The following ASS1 variants were observed in gnomAD, a reference collection of about 807,000 sequenced individuals.
The protein encoded by ASS1 is argininosuccinate synthase.
ASS1 carries 58 observed loss-of-function variants against 60.5 expected under a neutral mutation model. The ratio of observed to expected loss-of-function variants is 0.96; its 90% CI spans 0.78 to 1.19. ASS1 has a LOEUF of 1.19. Ranked by LOEUF, ASS1 falls within the 50% of genes most tolerant of loss-of-function variation. The probability of loss-of-function intolerance (pLI) is 0.00; values close to 1 mark genes in which losing one functional copy is unlikely to be tolerated. For missense variants in ASS1, 454 were observed against 547.3 expected, an observed-to-expected ratio of 0.83 and a Z score of 1.70; for synonymous variants, 200 against 206.9, an observed-to-expected ratio of 0.97 and a Z score of 0.29.
Position 130,463,965 on chromosome 9 carries a change from A to G in ASS1, c.364-146A>G. ...TCCCTCCTGCCACATGCCCACACAT[A>G]CACGACCTACACTGCATGACCTCAC... On this transcript the variant is annotated intron_variant, in intron 4 of 14. Transcript: ENST00000352480. 3 of 823,398 alleles carry G rather than the reference A, an allele frequency of 3.6e-6. No homozygotes were observed. The South Asian group carries it at 4.3e-5, about 12-fold the overall frequency. 51.0% of individuals were successfully genotyped at this position (823,398 alleles called of 1,614,324 possible).
chr9:130,454,832 TCATC>T (rs924889257), intron 3 of ASS1, among the ~76,000 whole-genome samples: 6 of 141,714 alleles, frequency 4.2e-5, no homozygotes, highest in South Asian at 5.0e-4. Context: ...CATTCACCCA[TCATC>T]CATCCATCCA....
At chr9:130,454,506 G>C (rs575141367) in intron 3 of ASS1, 133 bp downstream of exon 3, 1 of 989,920 alleles carries the variant, frequency 1.0e-6, no homozygotes. Flanking sequence ...AGATCATCCT[G>C]CTCTCAGGTG....
At chr9:130,451,859 C>A in intron 1 of ASS1, 1 of 480,854 alleles carries the variant, frequency 2.1e-6, no homozygotes, top group Non-Finnish European at 4.1e-6. Context: ...AAGGCCCCTC[C>A]CACATCTCCT....
chr9:130,455,135 TCATCCATC>T (rs552414875), intron 3 of ASS1, among the ~76,000 whole-genome samples: 2 of 147,980 alleles, frequency 1.4e-5, no homozygotes, highest in African/African-American at 2.5e-5. Context: ...TATTCATCCA[TCATCCATC>T]CATCCATCCA....
chr9:130,499,741 C>A (rs888786673), intron 14 of ASS1, among the ~76,000 whole-genome samples, 171 bp downstream of exon 14: 1 of 152,190 alleles, frequency 6.6e-6, no homozygotes, highest in Non-Finnish European at 1.5e-5. Context: ...CCCATAGCAT[C>A]CTCAGAAGCA....
chr9:130,474,383 C>G (rs545322698), intron 8 of ASS1, among the ~76,000 whole-genome samples: 2 of 152,166 alleles, frequency 1.3e-5, no homozygotes, highest in African/African-American at 4.8e-5. Context: ...GCCTCCACTT[C>G]GGTCTGGGGC....
chr9:130,471,447 C>T (rs776847891), intron 7 of ASS1, 38 bp from the exon 8 acceptor site: 31 of 1,612,680 alleles, frequency 1.9e-5, no homozygotes, highest in South Asian at 5.5e-5. Flanking sequence ...TGCCATGTCC[C>T]TCCCCAGCTG....
chr9:130,448,994 C>G (rs1193825108), intron 1 of ASS1, among the ~76,000 whole-genome samples: 2 of 152,196 alleles, frequency 1.3e-5, no homozygotes, highest in East Asian at 3.9e-4. Flanking sequence ...GGGAGATGGT[C>G]CCTGTTTCCA....
At chr9:130,481,139 T>C (rs1455267313) in intron 11 of ASS1, among the ~76,000 whole-genome samples, 1 of 152,356 alleles carries the variant, frequency 6.6e-6, no homozygotes, top group Middle Eastern at 3.4e-3. Flanking sequence ...CCAAAGCCCA[T>C]GATTCCCTTT....
intron 13 of ASS1, among the ~76,000 whole-genome samples, chr9:130,496,590 C>CT (rs1202871085): frequency 1.7e-5 from 2 of 118,660 alleles, no homozygotes; most frequent in African/African-American, 6.8e-5. Flanking sequence ...GGCACTGTCT[C>CT]TTTAAAAAAA....
chr9:130,476,499 G>A lies in ASS1; in HGVS notation c.598-372G>A, dbSNP rs1429852371. The A allele has an allele frequency of 1.3e-5, 5 of 397,106 alleles. No homozygotes were observed. The highest frequency in any genetic ancestry group is 9.3e-5 in the South Asian group (4 of 43,106). 24.6% of individuals were successfully genotyped at this position (397,106 alleles called of 1,614,324 possible). ...TCAGTGCAGAATAAACCCCAATCCC[G>A]AGCCGGCGAGAGCGTGCGTGCCGCT... On this transcript the variant is annotated intron_variant, in intron 8 of 14. Coordinates refer to ENST00000352480, the MANE Select transcript of ASS1 (RefSeq NM_054012.4). This position sits in a 1 kb window ranked among gnomAD's most constrained non-coding sequence, Gnocchi z 4.9.
intron 6 of ASS1, among the ~76,000 whole-genome samples, chr9:130,467,574 C>G (rs553876050): frequency 7.2e-5 from 11 of 152,288 alleles, no homozygotes; most frequent in African/African-American, 2.4e-4. Flanking sequence ...GCCCTGCCCC[C>G]GCCGCCAGCA....
chr9:130,445,240 GGGGGCGCGA>G, intron 1 of ASS1: 1 of 961,292 alleles, frequency 1.0e-6, no homozygotes, highest in Non-Finnish European at 1.2e-6. Context: ...GCGAGTCCCC[GGGGGCGCGA>G]GTCCCCGGGT....
chr9:130,456,314 A>C (rs1396456925), intron 3 of ASS1, among the ~76,000 whole-genome samples: 2 of 151,838 alleles, frequency 1.3e-5, no homozygotes, highest in African/African-American at 4.8e-5. Context: ...AAAAATACAA[A>C]AATTAGCTGG....
At chr9:130,449,003 C>T (rs867697200) in intron 1 of ASS1, among the ~76,000 whole-genome samples, 1 of 152,188 alleles carries the variant, frequency 6.6e-6, no homozygotes, top group African/African-American at 2.4e-5. Context: ...TCCCTGTTTC[C>T]ATGGAGCTCA....
At chr9:130,447,463 G>A (rs1314736880) in intron 1 of ASS1, among the ~76,000 whole-genome samples, 1 of 152,254 alleles carries the variant, frequency 6.6e-6, no homozygotes, top group African/African-American at 2.4e-5. Context: ...CGCCCAGGCT[G>A]GCCTGTTTGC....
intron 4 of ASS1, among the ~76,000 whole-genome samples, chr9:130,462,878 G>A (rs1845635611): frequency 6.6e-6 from 1 of 152,184 alleles, no homozygotes; most frequent in Non-Finnish European, 1.5e-5. Flanking sequence ...CCGTTAGGAT[G>A]AGCGAGTTTG....
intron 8 of ASS1, among the ~76,000 whole-genome samples, chr9:130,472,571 T>G (rs1448426601): frequency 2.0e-5 from 3 of 152,268 alleles, no homozygotes; most frequent in Middle Eastern, 3.4e-3. Flanking sequence ...GCTGGTGCCC[T>G]CCAGCTCTGT....
chr9:130,445,859 G>A (rs1166759011), intron 1 of ASS1, among the ~76,000 whole-genome samples: 2 of 152,164 alleles, frequency 1.3e-5, no homozygotes. Context: ...AGGTCTCAGG[G>A]CAGGAACAGA....
Sources: gnomAD v4.1 joint callset for allele counts (sites outside exome capture counted in the v4.1 genomes callset) on GRCh38, gnomAD v4.1.1 for gene constraint, Gnocchi (gnomAD v3.1) non-coding constraint, MANE v1.5 for transcripts, NCBI Gene and HGNC (gene_info 2026-07-23, HGNC 2026-07-21) for gene names.